TENM4: variants seen among roughly 807,000 people sequenced by gnomAD.
TENM4 encodes the protein teneurin-4.
Under a neutral mutation model 243.3 loss-of-function variants are expected in TENM4, and 82 were observed. The observed-to-expected ratio is 0.34, with a 90% CI of 0.28 to 0.40. The LOEUF (loss-of-function observed/expected upper bound fraction) is 0.40. Ranked by LOEUF, TENM4 falls within the 10% of genes least tolerant of loss-of-function variation. TENM4 has a pLI of 1.00. For missense variants in TENM4, 3,138 were observed against 3,673.3 expected, an observed-to-expected ratio of 0.85 and a Z score of 3.77; for synonymous variants, 1,412 against 1,456.3, an observed-to-expected ratio of 0.97 and a Z score of 0.69.
intron 6 of TENM4, among the ~76,000 whole-genome samples, chr11:78,996,929 C>T (rs896409836): frequency 9.2e-5 from 14 of 152,036 alleles, no homozygotes; most frequent in East Asian, 3.9e-4. Flanking sequence ...ACAAGGGGTG[C>T]GATGTGAAGG....
At chr11:78,913,991 G>A (rs1856257652) in intron 6 of TENM4, among the ~76,000 whole-genome samples, 1 of 152,174 alleles carries the variant, frequency 6.6e-6, no homozygotes, top group South Asian at 2.1e-4. Context: ...TATGTGTTTA[G>A]GAGTCCAGCT....
At chr11:79,034,886 C>A (rs530191359) in intron 6 of TENM4, among the ~76,000 whole-genome samples, 60 of 152,276 alleles carry the variant, frequency 3.9e-4, no homozygotes, top group African/African-American at 1.3e-3. Context: ...ACTTTCAGAA[C>A]CTCTGCTCAA....
At position 79,343,468 on chromosome 11, in the gene TENM4, A is replaced by C. The variant is rs549920080; in HGVS notation, c.-320-45925T>G. 2.0e-5 allele frequency among the ~76,000 whole-genome samples: 3 copies of C among 152,302 alleles called. No homozygotes were observed. The South Asian group carries it at 6.2e-4, about 32-fold the overall frequency. On this transcript the variant is annotated intron_variant, in intron 1 of 33. Coordinates refer to ENST00000278550, the MANE Select transcript of TENM4 (RefSeq NM_001098816.3). ...GTTTCTCACTTATAAAATGGGTATGACAAAAAAAATCCCTCCTTCACAGTG... is the reference window on the plus strand; with the variant it reads ...GTTTCTCACTTATAAAATGGGTATGCCAAAAAAAATCCCTCCTTCACAGTG...
intron 1 of TENM4, among the ~76,000 whole-genome samples, chr11:79,366,915 G>C (rs1398050257): frequency 6.6e-6 from 1 of 152,126 alleles, no homozygotes; most frequent in African/African-American, 2.4e-5. Flanking sequence ...CTATATATCA[G>C]TGAAAGCCTA....
At chr11:79,046,791 C>G (rs1024630986) in intron 6 of TENM4, among the ~76,000 whole-genome samples, 1 of 152,172 alleles carries the variant, frequency 6.6e-6, no homozygotes, top group Non-Finnish European at 1.5e-5. Flanking sequence ...CTATACCACC[C>G]AGAACCACGA....
intron 14 of TENM4, among the ~76,000 whole-genome samples, chr11:78,806,687 A>C (rs532438774): frequency 5.9e-5 from 9 of 152,344 alleles, no homozygotes; most frequent in African/African-American, 2.2e-4. Flanking sequence ...GATTTCTAAA[A>C]TGGTGGTAAA....
intron 6 of TENM4, among the ~76,000 whole-genome samples, chr11:78,984,216 A>G (rs1419975065): frequency 6.6e-6 from 1 of 152,114 alleles, no homozygotes; most frequent in Non-Finnish European, 1.5e-5. Flanking sequence ...CAAAAGCAAA[A>G]TGGGGATTTA....
At chr11:78,717,186 C>T (rs973269468) in intron 25 of TENM4, among the ~76,000 whole-genome samples, 1 of 152,138 alleles carries the variant, frequency 6.6e-6, no homozygotes, top group African/African-American at 2.4e-5. Context: ...TTCAGGGTAC[C>T]ATTCCTGAAG....
At chr11:78,754,899 T>C (rs1292715689) in intron 19 of TENM4, among the ~76,000 whole-genome samples, 2 of 152,224 alleles carry the variant, frequency 1.3e-5, no homozygotes, top group African/African-American at 4.8e-5. Flanking sequence ...TGCCACGCAC[T>C]TGCTGGGCTT....
chr11:79,423,719 C>T (rs936613261), intron 1 of TENM4, among the ~76,000 whole-genome samples: 17 of 151,954 alleles, frequency 1.1e-4, no homozygotes, highest in African/African-American at 3.1e-4. Flanking sequence ...TCTCCTGTTT[C>T]CAGGAGCTGA....
rs1056179325 is a variant in TENM4, at chr11:78,670,315, C to T, written c.6030G>A (p.Val2010=). Residue 2010 remains valine (V), a synonymous_variant, in exon 32 of 34, where the codon GTG becomes GTA. Transcript: ENST00000278550. The stretch of plus-strand genomic sequence containing the variant: ...TTGACAGTTTGCCATACTTGTATAT[C>T]ACCCTGCGGCCAGTGCCCAGGTAGA... ...HTFYLGTGRR[V]IYKYGKLSKL... The T allele has an allele frequency of 3.1e-6, 5 of 1,613,796 alleles. No individual in the cohort carries two copies. The African/African-American group carries it at 5.3e-5, about 17-fold the overall frequency.
At chr11:78,761,240 T>C (rs1487711387) in intron 18 of TENM4, among the ~76,000 whole-genome samples, 1 of 151,790 alleles carries the variant, frequency 6.6e-6, no homozygotes, top group Non-Finnish European at 1.5e-5. Flanking sequence ...TTCTTTTTTT[T>C]CTTTTTCTTT....
intron 6 of TENM4, among the ~76,000 whole-genome samples, chr11:78,986,133 T>C (rs189846554): frequency 6.6e-6 from 1 of 152,212 alleles, no homozygotes; most frequent in Non-Finnish European, 1.5e-5. Flanking sequence ...GATGCTGGGG[T>C]AGATAAAATG....
chr11:79,318,480 AG>A (rs1856837689), intron 1 of TENM4, among the ~76,000 whole-genome samples: 1 of 152,190 alleles, frequency 6.6e-6, no homozygotes, highest in Non-Finnish European at 1.5e-5. Flanking sequence ...GGGAAAAAAA[AG>A]GCTTGATTTG....
At chr11:78,905,191 C>T (rs1002627768) in intron 6 of TENM4, among the ~76,000 whole-genome samples, 1 of 152,164 alleles carries the variant, frequency 6.6e-6, no homozygotes, top group Non-Finnish European at 1.5e-5. Flanking sequence ...ATAGAGGAGA[C>T]TAAGAATCAG....
At chr11:79,244,053 A>C (rs1565265838) in intron 2 of TENM4, among the ~76,000 whole-genome samples, 2 of 152,210 alleles carry the variant, frequency 1.3e-5, no homozygotes, top group African/African-American at 2.4e-5. Flanking sequence ...TCCTACGATC[A>C]GTGGTTCTTA....
At chr11:78,673,531 T>C (rs1426616032) in intron 30 of TENM4, among the ~76,000 whole-genome samples, 3 of 152,338 alleles carry the variant, frequency 2.0e-5, no homozygotes, top group East Asian at 3.9e-4. Flanking sequence ...GGTGCAGGTC[T>C]AGGAATGAAG....
rs1404324445 is a variant in TENM4, at chr11:79,113,734, C to A, written c.-66+34976G>T. 8.5e-5 allele frequency among the ~76,000 whole-genome samples: 13 copies of A among 152,160 alleles called. No homozygotes were observed. The East Asian group carries it at 2.5e-3, about 29-fold the overall frequency. On this transcript the variant is annotated intron_variant, in intron 4 of 33. Transcript: ENST00000278550. ...CATTGGGAACCCTGGCCCTGCCATGCCTGCTCTGTCTCTGGATTCCTATTT... is the reference window on the plus strand; with the variant it reads ...CATTGGGAACCCTGGCCCTGCCATGACTGCTCTGTCTCTGGATTCCTATTT...
At chr11:78,911,228 AG>A (rs1856177237) in intron 6 of TENM4, among the ~76,000 whole-genome samples, 1 of 152,216 alleles carries the variant, frequency 6.6e-6, no homozygotes, top group Non-Finnish European at 1.5e-5. Context: ...GGAGGTGGCC[AG>A]GGAGGCTAGC....
Sources: gnomAD v4.1 joint callset for allele counts (sites outside exome capture counted in the v4.1 genomes callset) on GRCh38, gnomAD v4.1.1 for gene constraint, MANE v1.5 for transcripts, NCBI Gene and HGNC (gene_info 2026-07-23, HGNC 2026-07-21) for gene names.